The following EGFLAM variants were observed in gnomAD, a reference collection of about 807,000 sequenced individuals.
EGFLAM encodes the protein EGF like, fibronectin type III and laminin G domains.
In EGFLAM, 79 loss-of-function variants were observed where a neutral mutation model predicts 113.1. The observed-to-expected ratio is 0.70, with a 90% confidence interval of 0.58 to 0.84. EGFLAM has a LOEUF of 0.84. Ranked by LOEUF, EGFLAM falls within the 40% of genes least tolerant of loss-of-function variation. The pLI is 0.00. For synonymous variants in EGFLAM, 504 were observed against 487.6 expected, an observed-to-expected ratio of 1.03 and a Z score of -0.44; for missense variants, 1,265 against 1,291.6, an observed-to-expected ratio of 0.98 and a Z score of 0.32.
intron 6 of EGFLAM, among the ~76,000 whole-genome samples, chr5:38,402,403 C>T (rs749041769): frequency 2.0e-5 from 3 of 152,030 alleles, no homozygotes; most frequent in South Asian, 2.1e-4. Context: ...AGTAATAACA[C>T]CAATTTTATA....
intron 6 of EGFLAM, chr5:38,403,419 C>T (rs1741178390): frequency 6.4e-6 from 1 of 155,380 alleles, no homozygotes; most frequent in African/African-American, 2.4e-5. Context: ...AAAAGATGCA[C>T]TTCATGGCTT....
intron 10 of EGFLAM, among the ~76,000 whole-genome samples, chr5:38,412,033 C>T (rs1215637335): frequency 2.6e-5 from 4 of 152,164 alleles, no homozygotes; most frequent in Non-Finnish European, 5.9e-5. Context: ...CTCCTAACCT[C>T]AGGTGATCCG....
At chr5:38,346,469 A>C (rs2561120) in intron 3 of EGFLAM, 1 of 151,982 alleles carries the variant, frequency 6.6e-6, no homozygotes, top group Admixed American at 6.6e-5. Flanking sequence ...CTCCTCTGTA[A>C]ATGAAAATAA....
chr5:38,312,698 T>A (rs529762903), intron 1 of EGFLAM, among the ~76,000 whole-genome samples: 5 of 152,220 alleles, frequency 3.3e-5, no homozygotes, highest in African/African-American at 1.2e-4. Flanking sequence ...TGCCCAAAGC[T>A]TGGCACCTGA....
intron 1 of EGFLAM, among the ~76,000 whole-genome samples, chr5:38,303,840 G>T (rs1408575845): frequency 6.6e-6 from 1 of 152,050 alleles, no homozygotes; most frequent in Non-Finnish European, 1.5e-5. Context: ...ACAGACATAA[G>T]AAAACAGAAT....
rs1200159353 is a variant in EGFLAM at position 38,464,567 on chromosome 5, A to G, written c.*581A>G. ...AGATCAAACACAGAATCATAATCAT[A>G]ATGCGGCCCCCTTCCCCAGAGCTTA... On this transcript the variant is annotated 3_prime_UTR_variant, in exon 22 of 22. Transcript: ENST00000322350. The G allele has an allele frequency of 6.6e-6, 1 of 152,284 alleles. No individual in the cohort carries two copies. The highest frequency in any genetic ancestry group is 1.9e-4 in the East Asian group (1 of 5,196). 9.4% of individuals were successfully genotyped at this position (152,284 alleles called of 1,614,324 possible).
At chr5:38,327,666 C>G (rs1178388973) in intron 1 of EGFLAM, among the ~76,000 whole-genome samples, 1 of 152,076 alleles carries the variant, frequency 6.6e-6, no homozygotes, top group African/African-American at 2.4e-5. Flanking sequence ...TGGGTAGTCA[C>G]TAGAGAGAAT....
At chr5:38,448,599 A>T (rs1223274072) in intron 18 of EGFLAM, among the ~76,000 whole-genome samples, 2 of 152,246 alleles carry the variant, frequency 1.3e-5, no homozygotes, top group Non-Finnish European at 1.5e-5. Flanking sequence ...GACCTTTCAG[A>T]TAACCCTGTT....
At chr5:38,403,742 T>C (rs1579877209) in intron 6 of EGFLAM, 1 of 1,535,238 alleles carries the variant, frequency 6.5e-7, no homozygotes, top group South Asian at 1.2e-5. Context: ...GTAAATGAAA[T>C]TGCAGAAAGC....
At chr5:38,442,699 T>A (rs1410425252) in intron 17 of EGFLAM, among the ~76,000 whole-genome samples, 3 of 152,198 alleles carry the variant, frequency 2.0e-5, no homozygotes, top group Non-Finnish European at 4.4e-5. Context: ...TCTCTTTTAG[T>A]AATTGGAACT....
At chr5:38,275,505 TC>T (rs771690972) in intron 1 of EGFLAM, among the ~76,000 whole-genome samples, 9 of 152,208 alleles carry the variant, frequency 5.9e-5, no homozygotes, top group Non-Finnish European at 1.0e-4. Flanking sequence ...AGGAGTCAGT[TC>T]AGCAAGCGGA....
At chr5:38,269,679 C>T (rs562519870) in intron 1 of EGFLAM, among the ~76,000 whole-genome samples, 8 of 152,006 alleles carry the variant, frequency 5.3e-5, no homozygotes, top group African/African-American at 1.7e-4. Context: ...TTAGTAGAGA[C>T]GGGGTTTCAC....
chr5:38,463,693 G>T (rs1743364941), intron 21 of EGFLAM, 139 bp from the exon 22 acceptor site: 2 of 940,082 alleles, frequency 2.1e-6, no homozygotes, highest in Non-Finnish European at 3.2e-6. Flanking sequence ...AGCTCAAGGG[G>T]CCCACAGCCC....
intron 1 of EGFLAM, among the ~76,000 whole-genome samples, chr5:38,260,351 T>C (rs764030125): frequency 1.1e-4 from 16 of 152,376 alleles, no homozygotes; most frequent in Non-Finnish European, 1.9e-4. Flanking sequence ...GTGTATGCAA[T>C]GCTTTTTAAA....
At chr5:38,430,319 A>G (rs549802136) in intron 14 of EGFLAM, among the ~76,000 whole-genome samples, 9 of 152,334 alleles carry the variant, frequency 5.9e-5, no homozygotes. Flanking sequence ...AATTATGACC[A>G]TATTTTATCT....
At position 38,407,087 on chromosome 5, in the gene EGFLAM, C is replaced by A; in HGVS notation, c.1088C>A (p.Thr363Asn). The change falls in exon 8 of 22, where the codon ACC (threonine) becomes AAC (asparagine). Residue 363 changes from threonine to asparagine, a missense_variant. Physicochemically the swap from Thr to Asn is moderately conservative, Grantham distance 65. Transcript: ENST00000322350. ...GACAGCTTCTGTGTCAATGACTACACCTGGGGGGGCTCGCGATGCCAGTGC... is the reference window on the plus strand; with the variant it reads ...GACAGCTTCTGTGTCAATGACTACAACTGGGGGGGCTCGCGATGCCAGTGC... ...SADSFCVNDYTWGGSRCQCTL... is the reference protein window; with the variant it reads ...SADSFCVNDYNWGGSRCQCTL... The A allele has an allele frequency of 6.2e-7, 1 of 1,614,064 alleles. No individual in the cohort carries two copies. Among genetic ancestry groups the A allele is most frequent in the South Asian group, 1.1e-5 (1 of 91,082 alleles).
At chr5:38,399,018 ATTC>A in intron 6 of EGFLAM, among the ~76,000 whole-genome samples, 1 of 152,362 alleles carries the variant, frequency 6.6e-6, no homozygotes, top group East Asian at 1.9e-4. Flanking sequence ...ATCAAATGCC[ATTC>A]TTATTTCTAA....
intron 17 of EGFLAM, among the ~76,000 whole-genome samples, chr5:38,441,287 A>G (rs1742523815): frequency 6.6e-6 from 1 of 152,144 alleles, no homozygotes; most frequent in Admixed American, 6.5e-5. Flanking sequence ...AGAAAAAAAC[A>G]TAAGGTTTGA....
chr5:38,317,044 C>G (rs1738615390), intron 1 of EGFLAM, among the ~76,000 whole-genome samples: 1 of 152,164 alleles, frequency 6.6e-6, no homozygotes, highest in Non-Finnish European at 1.5e-5. Flanking sequence ...TTGGAAACAT[C>G]TGTTGTGAAG....
Sources: gnomAD v4.1 joint callset for allele counts (sites outside exome capture counted in the v4.1 genomes callset) on GRCh38, gnomAD v4.1.1 for gene constraint, MANE v1.5 for transcripts, NCBI Gene and HGNC (gene_info 2026-07-23, HGNC 2026-07-21) for gene names.